ST6GALNAC3: variants seen among roughly 807,000 people sequenced by gnomAD.
ST6GALNAC3 encodes the protein alpha-N-acetylgalactosaminide alpha-2,6-sialyltransferase 3.
Under a neutral mutation model 32.7 loss-of-function variants are expected in ST6GALNAC3, and 25 were observed. That is an observed-to-expected ratio of 0.76 (90% confidence interval 0.56 to 1.07). ST6GALNAC3 has a LOEUF of 1.07. Among genes scored for constraint, ST6GALNAC3 ranks in the 50% least tolerant of loss-of-function variants. ST6GALNAC3 has a pLI of 0.00. For missense variants in ST6GALNAC3, 355 were observed against 382.4 expected (o/e 0.93, Z 0.60); for synonymous variants, 129 against 133.1 (o/e 0.97, Z 0.21).
chr1:76,620,912 C>T (rs922252412), intron 3 of ST6GALNAC3, among the ~76,000 whole-genome samples: 80 of 151,950 alleles, frequency 5.3e-4, no homozygotes, highest in African/African-American at 1.9e-3. Flanking sequence ...TGAATGAAAT[C>T]TAGAAAATCA....
At chr1:76,112,237 C>T (rs1330780032) in intron 1 of ST6GALNAC3, among the ~76,000 whole-genome samples, 2 of 135,846 alleles carry the variant, frequency 1.5e-5, no homozygotes, top group African/African-American at 5.6e-5. Flanking sequence ...GCTGGCCGGG[C>T]GGGGGGCTGA....
chr1:76,202,793 A>G (rs962852392), intron 1 of ST6GALNAC3, among the ~76,000 whole-genome samples: 2 of 152,166 alleles, frequency 1.3e-5, no homozygotes, highest in Non-Finnish European at 2.9e-5. Context: ...TGTATTTTCA[A>G]TGTACTGATT....
chr1:76,501,971 G>A lies in ST6GALNAC3; in HGVS notation c.623+89554G>A, dbSNP rs78368069. ...CTTCAATGTTCCCACGTTCTGAGAC[G>A]GCTGCAGCAGCATCAAGCATCACAT... On this transcript the variant is annotated intron_variant, in intron 3 of 4. Coordinates refer to ENST00000328299, the MANE Select transcript of ST6GALNAC3 (RefSeq NM_152996.4). 8.5e-3 allele frequency among the ~76,000 whole-genome samples: 1,287 copies of A among 152,228 alleles called. 7 individuals are homozygous for A. The highest frequency in any genetic ancestry group is 0.015 in the Non-Finnish European group (1,008 of 68,024).
intron 3 of ST6GALNAC3, among the ~76,000 whole-genome samples, chr1:76,561,179 A>G (rs1665220095): frequency 1.3e-5 from 2 of 152,188 alleles, no homozygotes; most frequent in Admixed American, 1.3e-4. Flanking sequence ...GATAGAGAGT[A>G]GAACGATGGT....
At chr1:76,172,575 T>C (rs1652592219) in intron 1 of ST6GALNAC3, among the ~76,000 whole-genome samples, 1 of 127,678 alleles carries the variant, frequency 7.8e-6, no homozygotes, top group East Asian at 2.8e-4. Context: ...CAAGATTTTA[T>C]ATTTAAAAAC....
intron 3 of ST6GALNAC3, among the ~76,000 whole-genome samples, chr1:76,537,129 A>G (rs1301213166): frequency 6.6e-6 from 1 of 152,198 alleles, no homozygotes; most frequent in Non-Finnish European, 1.5e-5. Context: ...TGAAATTGTA[A>G]CAAACAGTCT....
chr1:76,429,978 G>C (rs1051175420), intron 3 of ST6GALNAC3, among the ~76,000 whole-genome samples: 6 of 152,258 alleles, frequency 3.9e-5, no homozygotes, highest in African/African-American at 1.4e-4. Flanking sequence ...GCTACGTCTT[G>C]TCTCCATCTC....
At chr1:76,431,496 GTCTT>G (rs1278006186) in intron 3 of ST6GALNAC3, among the ~76,000 whole-genome samples, 3 of 151,962 alleles carry the variant, frequency 2.0e-5, no homozygotes, top group Non-Finnish European at 2.9e-5. Context: ...TTATCATTCT[GTCTT>G]TCTTTCTGTC....
chr1:76,253,085 C>A (rs1657713446), intron 1 of ST6GALNAC3, among the ~76,000 whole-genome samples: 1 of 151,938 alleles, frequency 6.6e-6, no homozygotes. Context: ...ATATTATCAA[C>A]CAGTATTTTC....
At chr1:76,607,454 C>T (rs934953092) in intron 3 of ST6GALNAC3, among the ~76,000 whole-genome samples, 3 of 152,118 alleles carry the variant, frequency 2.0e-5, no homozygotes, top group Admixed American at 2.0e-4. Flanking sequence ...GTTCCCCTGG[C>T]AACTAGCCCT....
chr1:76,444,861 C>T (rs1656863408), intron 3 of ST6GALNAC3, among the ~76,000 whole-genome samples: 3 of 152,174 alleles, frequency 2.0e-5, no homozygotes, highest in African/African-American at 7.2e-5. Flanking sequence ...TCTGTACCCT[C>T]CCAGCCATCC....
chr1:76,601,130 G>C (rs1190668744), intron 3 of ST6GALNAC3, among the ~76,000 whole-genome samples: 2 of 152,108 alleles, frequency 1.3e-5, no homozygotes, highest in Non-Finnish European at 2.9e-5. Context: ...CTGGGAAGTG[G>C]AGGTTTACAG....
At chr1:76,461,923 C>A (rs943214241) in intron 3 of ST6GALNAC3, among the ~76,000 whole-genome samples, 1 of 151,938 alleles carries the variant, frequency 6.6e-6, no homozygotes, top group African/African-American at 2.4e-5. Context: ...GTAAACTGAC[C>A]ACAGTTCTGA....
At chr1:76,561,368 T>C (rs368639738) in intron 3 of ST6GALNAC3, among the ~76,000 whole-genome samples, 27 of 152,250 alleles carry the variant, frequency 1.8e-4, no homozygotes, top group Admixed American at 2.6e-4. Flanking sequence ...ACTCACAGAA[T>C]GGGAGAATAT....
At chr1:76,577,946 A>G (rs1420627283) in intron 3 of ST6GALNAC3, among the ~76,000 whole-genome samples, 6 of 152,096 alleles carry the variant, frequency 3.9e-5, no homozygotes, top group Admixed American at 2.0e-4. Flanking sequence ...AAAAATGACA[A>G]TGACAGACGA....
chr1:76,613,367 C>A (rs1648066200), intron 3 of ST6GALNAC3, among the ~76,000 whole-genome samples: 1 of 152,130 alleles, frequency 6.6e-6, no homozygotes. Flanking sequence ...ATGGCCAGGC[C>A]TTTGCTACAA....
At chr1:76,180,754 T>G (rs556063043) in intron 1 of ST6GALNAC3, among the ~76,000 whole-genome samples, 1 of 152,186 alleles carries the variant, frequency 6.6e-6, no homozygotes, top group African/African-American at 2.4e-5. Context: ...ATGGCCAAAC[T>G]CCAGGGGAAG....
At chr1:76,479,216 T>C (rs1659567332) in intron 3 of ST6GALNAC3, among the ~76,000 whole-genome samples, 3 of 152,166 alleles carry the variant, frequency 2.0e-5, no homozygotes, top group South Asian at 2.1e-4. Context: ...AGTAAGTAAC[T>C]TGTGGAAGGG....
chr1:76,616,949 CA>C (rs972957327), intron 3 of ST6GALNAC3, among the ~76,000 whole-genome samples: 2 of 152,038 alleles, frequency 1.3e-5, no homozygotes, highest in Non-Finnish European at 2.9e-5. Context: ...TTTTAAATTT[CA>C]CTTTTATGTG....
Sources: allele counts gnomAD v4.1 joint callset (sites outside exome capture counted in the v4.1 genomes callset), GRCh38; gene constraint gnomAD v4.1.1; transcripts MANE v1.5; gene names NCBI Gene and HGNC (gene_info 2026-07-23, HGNC 2026-07-21).